The following PRKN variants were observed in gnomAD, a reference collection of about 807,000 sequenced individuals.
PRKN encodes E3 ubiquitin-protein ligase parkin.
PRKN carries 56 observed loss-of-function variants against 59.5 expected under a neutral mutation model. That is an observed-to-expected ratio of 0.94 (90% CI 0.76 to 1.18). PRKN has a LOEUF of 1.18. Among genes scored for constraint, PRKN ranks in the 50% most tolerant of loss-of-function variants. The pLI, the probability that PRKN is intolerant of heterozygous loss-of-function variation, is 0.00. For missense variants in PRKN, 657 were observed against 596.4 expected (o/e 1.10, Z -1.06); for synonymous variants, 250 against 222.1 (o/e 1.13, Z -1.12).
chr6:162,304,793 G>A (rs1480882769), intron 2 of PRKN, among the ~76,000 whole-genome samples: 1 of 132,510 alleles, frequency 7.5e-6, no homozygotes, highest in Non-Finnish European at 1.6e-5. Flanking sequence ...CCAATGCTGG[G>A]ACCCAGCACC....
rs1220888275 is a variant in PRKN, at chr6:161,759,922, TTTGTGATACAACTG to T, written c.871+25836_871+25849del. The stretch of plus-strand genomic sequence containing the variant: ...GATAGCTCACTGAGGTAAAAGAAGC[TTTGTGATACAACTG>T]AAGGATGTTTATACTTTCAGTGAAC... On this transcript the variant is annotated intron_variant, in intron 7 of 11. Transcript: ENST00000366898. 2.0e-5 allele frequency among the ~76,000 whole-genome samples: 3 copies of T among 152,140 alleles called. No individual in the cohort carries two copies. In the East Asian group the frequency reaches 5.8e-4, roughly 29 times the overall value.
chr6:162,172,738 C>T (rs940678537), intron 4 of PRKN, among the ~76,000 whole-genome samples: 5 of 152,078 alleles, frequency 3.3e-5, no homozygotes, highest in African/African-American at 1.2e-4. Flanking sequence ...GTGACAGGTT[C>T]CTATTCTTGG....
rs577229575 is a variant in PRKN at position 161,407,171 on chromosome 6, T to C, written c.1084-20294A>G. Among the ~76,000 whole-genome samples, 17 of 152,256 alleles carry C rather than the reference T, an allele frequency of 1.1e-4. No individual in the cohort carries two copies. The South Asian group carries it at 3.5e-3, about 32-fold the overall frequency. On this transcript the variant is annotated intron_variant, in intron 9 of 11. Coordinates refer to ENST00000366898, the MANE Select transcript of PRKN (RefSeq NM_004562.3). This position sits in a 1 kb window ranked among gnomAD's most constrained non-coding sequence, Gnocchi z 4.9. Reference sequence around the variant, plus strand: ...TATGGTTTCACAATTTTTTACAGAGTCATAATCTACATGGAAAACAAAAAG... The same window carrying C: ...TATGGTTTCACAATTTTTTACAGAGCCATAATCTACATGGAAAACAAAAAG...
Position 161,459,646 on chromosome 6 carries a change from G to A in PRKN, c.1084-72769C>T, listed in dbSNP as rs1202783424. ...AGCCCTAGAACTCCCTCACAAGCAA[G>A]CTATTTTCCCGTTTTTCTCATCGCT... On this transcript the variant is annotated intron_variant, in intron 9 of 11. Coordinates refer to ENST00000366898, the MANE Select transcript of PRKN (RefSeq NM_004562.3). The surrounding 1 kb of genome is among the most constrained non-coding windows in gnomAD (Gnocchi z 4.8). Among the ~76,000 whole-genome samples the A allele has an allele frequency of 6.6e-6, 1 of 152,192 alleles. No homozygotes were observed. Among genetic ancestry groups the A allele is most frequent in the Admixed American group, 6.5e-5 (1 of 15,280 alleles).
At position 162,210,906 on chromosome 6, in the gene PRKN, T is replaced by C. The variant is rs565876506; in HGVS notation, c.413-9654A>G. 2.0e-5 allele frequency among the ~76,000 whole-genome samples: 3 copies of C among 152,288 alleles called. No homozygotes were observed. In the South Asian group the frequency reaches 6.2e-4, roughly 32 times the overall value. The stretch of plus-strand genomic sequence containing the variant: ...GGTACTAAAGGGGATTCAATATGTA[T>C]TTCAAAATTTAATATGAATGGCAGA... On this transcript the variant is annotated intron_variant, in intron 3 of 11. Coordinates refer to ENST00000366898, the MANE Select transcript of PRKN (RefSeq NM_004562.3).
intron 4 of PRKN, among the ~76,000 whole-genome samples, chr6:162,116,841 A>G (rs1181661228): frequency 1.3e-5 from 2 of 152,194 alleles, no homozygotes; most frequent in Non-Finnish European, 2.9e-5. Flanking sequence ...AATATGGGCA[A>G]ATGTTGGAAA....
At chr6:162,415,217 G>C (rs1359310797) in intron 2 of PRKN, among the ~76,000 whole-genome samples, 1 of 152,076 alleles carries the variant, frequency 6.6e-6, no homozygotes, top group Admixed American at 6.6e-5. Flanking sequence ...GCCAACTGGG[G>C]AAAGTTATTT....
intron 6 of PRKN, among the ~76,000 whole-genome samples, chr6:161,912,060 C>T (rs1352094395): frequency 1.3e-5 from 2 of 151,852 alleles, no homozygotes; most frequent in Admixed American, 6.6e-5. Flanking sequence ...CACCTGTAAT[C>T]CCAACTACTT....
At chr6:162,193,015 A>T (rs1458615696) in intron 4 of PRKN, among the ~76,000 whole-genome samples, 1 of 152,168 alleles carries the variant, frequency 6.6e-6, no homozygotes. Context: ...CTTAAAGAGT[A>T]GTGAGTAAAA....
intron 3 of PRKN, among the ~76,000 whole-genome samples, chr6:162,258,773 C>T (rs1472055259): frequency 2.0e-5 from 3 of 152,312 alleles, no homozygotes; most frequent in African/African-American, 7.2e-5. Flanking sequence ...GCTGTAAAAA[C>T]TACTTCAATG....
At chr6:161,674,364 T>G (rs1785014497) in intron 7 of PRKN, among the ~76,000 whole-genome samples, 1 of 152,236 alleles carries the variant, frequency 6.6e-6, no homozygotes, top group East Asian at 1.9e-4. Context: ...AATTTTAAAT[T>G]ACCACACTCA....
At chr6:162,394,222 C>A (rs1017254759) in intron 2 of PRKN, among the ~76,000 whole-genome samples, 2 of 152,110 alleles carry the variant, frequency 1.3e-5, no homozygotes, top group Non-Finnish European at 2.9e-5. Flanking sequence ...TTAGGTAGTT[C>A]AGAAGAGGAG....
At chr6:162,189,918 C>T (rs967618136) in intron 4 of PRKN, among the ~76,000 whole-genome samples, 1 of 151,972 alleles carries the variant, frequency 6.6e-6, no homozygotes, top group Admixed American at 6.6e-5. Flanking sequence ...AAATTATGGC[C>T]ATCTCTGAGT....
chr6:162,616,053 G>A (rs1050577232), intron 1 of PRKN, among the ~76,000 whole-genome samples: 7 of 152,112 alleles, frequency 4.6e-5, no homozygotes, highest in African/African-American at 1.7e-4. Context: ...TGTCACCCAG[G>A]AACCTCCTAA....
chr6:162,013,200 G>A (rs1782803013), intron 5 of PRKN, among the ~76,000 whole-genome samples: 2 of 152,096 alleles, frequency 1.3e-5, no homozygotes, highest in Admixed American at 1.3e-4. Flanking sequence ...ATATCATACA[G>A]ACCCATGGAT....
At chr6:162,063,564 A>G (rs995856786) in intron 4 of PRKN, among the ~76,000 whole-genome samples, 2 of 151,276 alleles carry the variant, frequency 1.3e-5, no homozygotes, top group Non-Finnish European at 2.9e-5. Context: ...TTTTTTTTTG[A>G]TACAGAGTTT....
At chr6:161,695,342 A>G (rs575240584) in intron 7 of PRKN, among the ~76,000 whole-genome samples, 1 of 152,286 alleles carries the variant, frequency 6.6e-6, no homozygotes, top group Non-Finnish European at 1.5e-5. Flanking sequence ...AATGACAGAG[A>G]AAGCAGTTTT....
In PRKN at chr6:161,483,087, A is replaced by G. The variant is rs929314013; in HGVS notation, c.1083+65767T>C. On this transcript the variant is annotated intron_variant, in intron 9 of 11. Coordinates refer to ENST00000366898, the MANE Select transcript of PRKN (RefSeq NM_004562.3). This position sits in a 1 kb window ranked among gnomAD's most constrained non-coding sequence, Gnocchi z 5.0. ...GTTTTGTAAAAGTATGCTAGGGAGA[A>G]GATGCAAGGGACTTCTCAGCAATTT... 3.3e-5 allele frequency among the ~76,000 whole-genome samples: 5 copies of G among 152,100 alleles called. No homozygotes were observed. Among genetic ancestry groups the G allele is most frequent in the Middle Eastern group, 3.4e-3 (1 of 294 alleles).
At chr6:162,436,342 T>A (rs566021392) in intron 2 of PRKN, among the ~76,000 whole-genome samples, 1 of 114,150 alleles carries the variant, frequency 8.8e-6, no homozygotes, top group Non-Finnish European at 1.7e-5. Context: ...TCTGTTTCCT[T>A]TTTTTTTTTT....
Sources: gnomAD v4.1 joint callset for allele counts (sites outside exome capture counted in the v4.1 genomes callset) on GRCh38, gnomAD v4.1.1 for gene constraint, Gnocchi (gnomAD v3.1) non-coding constraint, MANE v1.5 for transcripts, NCBI Gene and HGNC (gene_info 2026-07-23, HGNC 2026-07-21) for gene names.